Variants in STK39 observed in about 807,000 individuals in gnomAD.
STK39 encodes the protein serine/threonine kinase 39.
In STK39, 20 loss-of-function variants were observed where a neutral mutation model predicts 77.8. The ratio of observed to expected loss-of-function variants is 0.26; its 90% confidence interval spans 0.18 to 0.37. STK39 has a LOEUF of 0.37. Ranked by LOEUF, STK39 falls within the 10% of genes least tolerant of loss-of-function variation. The pLI is 1.00. For synonymous variants in STK39, 246 were observed against 234.1 expected, an observed-to-expected ratio of 1.05 and a Z score of -0.47; for missense variants, 479 against 656.5, an observed-to-expected ratio of 0.73 and a Z score of 2.95.
intron 10 of STK39, among the ~76,000 whole-genome samples, chr2:168,116,489 T>TA (rs1421613578): frequency 3.3e-5 from 5 of 152,120 alleles, no homozygotes; most frequent in African/African-American, 1.2e-4. Flanking sequence ...GATTTCAAAG[T>TA]AAAAAAATAT....
At chr2:168,024,947 C>T (rs1004541182) in intron 14 of STK39, among the ~76,000 whole-genome samples, 2 of 152,226 alleles carry the variant, frequency 1.3e-5, no homozygotes, top group Admixed American at 6.5e-5. Context: ...GTGCACATCC[C>T]TTACCCGCCT....
At chr2:168,024,487 A>C (rs996857399) in intron 14 of STK39, among the ~76,000 whole-genome samples, 6 of 152,134 alleles carry the variant, frequency 3.9e-5, no homozygotes, top group Admixed American at 6.6e-5. Context: ...CAAATGGATT[A>C]ATGCCAATTC....
chr2:168,133,378 G>A (rs1056613366), intron 8 of STK39, among the ~76,000 whole-genome samples: 7 of 152,254 alleles, frequency 4.6e-5, no homozygotes, highest in South Asian at 2.1e-4. Flanking sequence ...TAAACAACCC[G>A]CCTTCTTTTT....
intron 16 of STK39, among the ~76,000 whole-genome samples, chr2:168,001,466 T>C (rs934297091): frequency 2.0e-5 from 3 of 151,940 alleles, no homozygotes; most frequent in Non-Finnish European, 4.4e-5. Flanking sequence ...ACTTAAGTAG[T>C]GCAAGATTAA....
At chr2:168,080,057 C>CA (rs1452178716) in intron 10 of STK39, among the ~76,000 whole-genome samples, 4 of 152,140 alleles carry the variant, frequency 2.6e-5, no homozygotes, top group African/African-American at 9.7e-5. Context: ...TCACCAGCCC[C>CA]AATCACTTAA....
chr2:168,092,971 CAT>C lies in STK39; in HGVS notation c.1090-17742_1090-17741del, dbSNP rs144810748. On this transcript the variant is annotated intron_variant, in intron 10 of 17. Coordinates refer to ENST00000355999, the MANE Select transcript of STK39 (RefSeq NM_013233.3). ...GCTGTCACTCCCGTGGTTGGACACA[CAT>C]GTTTCTCTCTCCAGGCCACCCTCTC... Among the ~76,000 whole-genome samples, 923 of 152,280 alleles carry C rather than the reference CAT, an allele frequency of 6.1e-3. 7 individuals are homozygous for C. The highest frequency in any genetic ancestry group is 0.021 in the African/African-American group (863 of 41,552).
intron 14 of STK39, among the ~76,000 whole-genome samples, chr2:168,026,213 A>G (rs1208751769): frequency 6.6e-6 from 1 of 152,154 alleles, no homozygotes; most frequent in Non-Finnish European, 1.5e-5. Context: ...CAATGTAAGT[A>G]AGTGCTTAAA....
chr2:168,167,552 T>C, intron 2 of STK39, 145 bp from the exon 3 acceptor site: 2 of 645,560 alleles, frequency 3.1e-6, no homozygotes, highest in South Asian at 3.9e-5. Context: ...TCAAAGAAGG[T>C]ATATAAGGAC....
intron 14 of STK39, among the ~76,000 whole-genome samples, chr2:168,062,526 A>G (rs1233135357): frequency 6.6e-6 from 1 of 152,128 alleles, no homozygotes; most frequent in African/African-American, 2.4e-5. Context: ...GTGAAAATGC[A>G]GACTATAAAT....
At chr2:168,156,238 AG>A (rs1397196599) in intron 5 of STK39, among the ~76,000 whole-genome samples, 4 of 152,248 alleles carry the variant, frequency 2.6e-5, no homozygotes, top group South Asian at 4.1e-4. Flanking sequence ...CAGGTAAGAA[AG>A]GGGAACCCTG....
intron 14 of STK39, among the ~76,000 whole-genome samples, chr2:168,059,812 T>C (rs1336991908): frequency 6.6e-6 from 1 of 152,140 alleles, no homozygotes. Flanking sequence ...TCACTTTCTA[T>C]CCTCCTCACA....
At chr2:168,173,132 G>A (rs1201781788) in intron 2 of STK39, among the ~76,000 whole-genome samples, 1 of 152,094 alleles carries the variant, frequency 6.6e-6, no homozygotes, top group Admixed American at 6.5e-5. Context: ...GTAGCTCCCA[G>A]GCACGTTTCC....
chr2:168,191,764 A>C (rs752788723), intron 1 of STK39, among the ~76,000 whole-genome samples: 55 of 152,320 alleles, frequency 3.6e-4, no homozygotes, highest in Admixed American at 1.3e-3. Flanking sequence ...AGGAAAATGG[A>C]AGCAATACTA....
At chr2:168,065,005 TA>T in intron 13 of STK39, among the ~76,000 whole-genome samples, 1 of 152,164 alleles carries the variant, frequency 6.6e-6, no homozygotes, top group Non-Finnish European at 1.5e-5. Flanking sequence ...GAGCAAAAAA[TA>T]AAAGTATCAA....
chr2:168,085,949 C>A (rs6739637), intron 10 of STK39, among the ~76,000 whole-genome samples: 2,870 of 152,282 alleles, frequency 0.019, 112 homozygotes, highest in African/African-American at 0.066. Context: ...TGCCTTCAGA[C>A]CCCTGTGCTG....
At chr2:168,159,558 T>C (rs1688517880) in intron 5 of STK39, among the ~76,000 whole-genome samples, 1 of 152,208 alleles carries the variant, frequency 6.6e-6, no homozygotes, top group Non-Finnish European at 1.5e-5. Flanking sequence ...AACCTTATAT[T>C]ATAGTGAACA....
chr2:168,127,902 G>A (rs184934349), intron 10 of STK39, among the ~76,000 whole-genome samples: 1 of 152,246 alleles, frequency 6.6e-6, no homozygotes, highest in Admixed American at 6.5e-5. Context: ...TGTGGAGAGT[G>A]GTTAGATGGG....
At chr2:168,245,337 T>C (rs1279777301) in intron 1 of STK39, among the ~76,000 whole-genome samples, 1 of 152,220 alleles carries the variant, frequency 6.6e-6, no homozygotes, top group Non-Finnish European at 1.5e-5. Flanking sequence ...CCTTTCCCTA[T>C]GTCTCCTAAC....
At chr2:168,194,242 C>G (rs1345037207) in intron 1 of STK39, among the ~76,000 whole-genome samples, 1 of 152,004 alleles carries the variant, frequency 6.6e-6, no homozygotes, top group Non-Finnish European at 1.5e-5. Context: ...AGCGAAACCC[C>G]TTCTCTATTT....
Sources: gnomAD v4.1 joint callset for allele counts (sites outside exome capture counted in the v4.1 genomes callset) on GRCh38, gnomAD v4.1.1 for gene constraint, MANE v1.5 for transcripts, NCBI Gene and HGNC (gene_info 2026-07-23, HGNC 2026-07-21) for gene names.